ATOH8: variants seen among roughly 807,000 people sequenced by gnomAD.
ATOH8 encodes transcription factor ATOH8.
A neutral mutation model predicts 21.2 loss-of-function variants in ATOH8; 9 were observed. That is an observed-to-expected ratio of 0.42 (90% CI 0.26 to 0.74). The LOEUF is 0.74. ATOH8 is among the 30% of genes least tolerant of loss of function. The pLI is 0.24. For synonymous variants in ATOH8, 253 were observed against 224.0 expected, an observed-to-expected ratio of 1.13 and a Z score of -1.16; for missense variants, 524 against 470.9, an observed-to-expected ratio of 1.11 and a Z score of -1.04.
At chr2:85,782,395 C>T (rs996080907) in intron 2 of ATOH8, among the ~76,000 whole-genome samples, 1 of 151,814 alleles carries the variant, frequency 6.6e-6, no homozygotes, top group Non-Finnish European at 1.5e-5. Flanking sequence ...TTTTAAATGC[C>T]CCAAAGTGGT....
chr2:85,784,523 CAG>C (rs1233586317), intron 2 of ATOH8, among the ~76,000 whole-genome samples: 1 of 151,934 alleles, frequency 6.6e-6, no homozygotes, highest in African/African-American at 2.4e-5. Context: ...GCCTAAATAA[CAG>C]AGTGAGACCC....
Position 85,754,708 on chromosome 2 carries a change from G to A in ATOH8, c.519G>A (p.Ala173=), listed in dbSNP as rs199941707. 1.2e-6 allele frequency: 2 copies of A among 1,609,092 alleles called. No homozygotes were observed. Among genetic ancestry groups the A allele is most frequent in the East Asian group, 2.2e-5 (1 of 44,730 alleles). Residue 173 remains alanine, a synonymous_variant, in exon 1 of 3, where the codon GCG becomes GCA. Transcript: ENST00000306279. ...PAPSAPPAPP[A]PPESTVRPAP... ...CGTCAGCACCCCCAGCACCGCCAGC[G>A]CCCCCGGAGTCCACTGTGCGCCCTG...
intron 2 of ATOH8, among the ~76,000 whole-genome samples, chr2:85,781,446 A>G (rs1471707109): frequency 6.6e-6 from 1 of 152,174 alleles, no homozygotes; most frequent in African/African-American, 2.4e-5. Flanking sequence ...ATACGCTTGT[A>G]ATCCTAGCTA....
intron 2 of ATOH8, among the ~76,000 whole-genome samples, chr2:85,779,722 G>A (rs1680432092): frequency 6.6e-6 from 1 of 152,216 alleles, no homozygotes; most frequent in Non-Finnish European, 1.5e-5. Flanking sequence ...GGGCAAGTGA[G>A]GTCACCACTC....
Position 85,754,560 on chromosome 2 carries a change from C to A in ATOH8, c.371C>A (p.Pro124Gln), listed in dbSNP as rs967846934. The change falls in exon 1 of 3, where the codon CCG becomes CAG. Residue 124 changes from proline to glutamine, a missense_variant. Transcript: ENST00000306279. ...LGAVGPGLPT[P>Q]PPPPPPAPQS... ...GCAGTGGGGCCAGGACTCCCCACGC[C>A]GCCGCCGCCGCCGCCTCCTGCGCCC... 2.8e-6 allele frequency: 4 copies of A among 1,432,352 alleles called. No homozygotes were observed. The highest frequency in any genetic ancestry group is 3.6e-6 in the Non-Finnish European group (4 of 1,107,420). The allele number at this position is 1,432,352 out of a possible 1,614,324, so 88.7% of individuals were successfully genotyped here. A position where few individuals can be genotyped will look rare whatever the true frequency, so the allele number is the denominator to read the frequency against.
intron 2 of ATOH8, among the ~76,000 whole-genome samples, chr2:85,767,903 T>A (rs1174789479): frequency 2.0e-5 from 3 of 152,146 alleles, no homozygotes; most frequent in Non-Finnish European, 4.4e-5. Context: ...ACTAGAGCCT[T>A]CCATCCAGAC....
chr2:85,757,845 G>C lies in ATOH8; in HGVS notation c.768+2888G>C, dbSNP rs149556759. Among the ~76,000 whole-genome samples, 341 of 150,568 alleles carry C rather than the reference G, an allele frequency of 2.3e-3. 1 individual carries two copies. Among genetic ancestry groups the C allele is most frequent in the African/African-American group, 7.8e-3 (319 of 40,864 alleles). On this transcript the variant is annotated intron_variant, in intron 1 of 2. Coordinates refer to ENST00000306279, the MANE Select transcript of ATOH8 (RefSeq NM_032827.7). The stretch of plus-strand genomic sequence containing the variant: ...CTGTTGACCAGGCTGGAGTACAGTG[G>C]TGTGATCTCAGCTCACTGCAAACTC...
At chr2:85,781,080 G>A (rs1163804182) in intron 2 of ATOH8, 9 of 987,970 alleles carry the variant, frequency 9.1e-6, no homozygotes, top group African/African-American at 7.0e-5. Flanking sequence ...ACGCAAGGAT[G>A]TCCAGGCTTG....
chr2:85,754,711 C>T lies in ATOH8; in HGVS notation c.522C>T (p.Pro174=), dbSNP rs760869571. ...APSAPPAPPA[P]PESTVRPAPP... Reference sequence around the variant, plus strand: ...CAGCACCCCCAGCACCGCCAGCGCCCCCGGAGTCCACTGTGCGCCCTGCGC... The same window carrying T: ...CAGCACCCCCAGCACCGCCAGCGCCTCCGGAGTCCACTGTGCGCCCTGCGC... Residue 174 remains proline, a synonymous_variant, in exon 1 of 3, where the codon CCC becomes CCT. Transcript: ENST00000306279. The T allele has an allele frequency of 3.3e-5, 53 of 1,610,846 alleles. No individual in the cohort carries two copies. In the South Asian group the frequency reaches 4.0e-4, roughly 12 times the overall value.
In ATOH8 at chr2:85,764,128, T is replaced by C. The variant is rs1484098778; in HGVS notation, c.906T>C (p.Cys302=). 1.2e-6 allele frequency: 2 copies of C among 1,614,184 alleles called. No individual in the cohort carries two copies. Among genetic ancestry groups the C allele is most frequent in the Admixed American group, 1.7e-5 (1 of 60,026 alleles). ...ACAGCAACCTCAGCTTCTCCGAGTG[T>C]GTGCAGCGCTGCACCCGCACCCTGC... ...ADHSNLSFSE[C]VQRCTRTLQA... The change falls in exon 2 of 3, where the codon TGT becomes TGC. Residue 302 remains cysteine (C), a synonymous_variant. Transcript: ENST00000306279.
chr2:85,754,738 C>T lies in ATOH8; in HGVS notation c.549C>T (p.Pro183=), dbSNP rs529645303. The stretch of plus-strand genomic sequence containing the variant: ...CGGAGTCCACTGTGCGCCCTGCGCC[C>T]CCGACGCGCCCCGGGGAAAGTTCCT... The part of the protein sequence containing the change: ...APPESTVRPA[P]PTRPGESSYS... Residue 183 remains proline, a synonymous_variant, in exon 1 of 3, where the codon CCC becomes CCT. Transcript: ENST00000306279. 7.4e-6 allele frequency: 12 copies of T among 1,612,660 alleles called. No homozygotes were observed. The highest frequency in any genetic ancestry group is 5.5e-5 in the South Asian group (5 of 91,084).
Position 85,790,971 on chromosome 2 carries a change from C to T in ATOH8, c.*4081C>T, listed in dbSNP as rs542819305. ...GGAAACCCTTTGAGTGGATCTGTAC[C>T]GTTGTTCTCGTCTTGCTCTCTTGCT... On this transcript the variant is annotated 3_prime_UTR_variant, in exon 3 of 3. Coordinates refer to ENST00000306279, the MANE Select transcript of ATOH8 (RefSeq NM_032827.7). 2.6e-4 allele frequency among the ~76,000 whole-genome samples: 39 copies of T among 152,288 alleles called. No individual in the cohort carries two copies. The highest frequency in any genetic ancestry group is 9.1e-4 in the African/African-American group (38 of 41,546).
intron 1 of ATOH8, among the ~76,000 whole-genome samples, chr2:85,758,536 C>T (rs1034383060): frequency 6.6e-6 from 1 of 152,244 alleles, no homozygotes; most frequent in Non-Finnish European, 1.5e-5. Flanking sequence ...CTCTGCTCCT[C>T]AGCCTGTCTA....
rs1396751720 is a variant in ATOH8 at position 85,785,296 on chromosome 2, C to G, written c.961-1589C>G. Among the ~76,000 whole-genome samples the G allele has an allele frequency of 6.6e-6, 1 of 152,262 alleles. No individual in the cohort carries two copies. Among genetic ancestry groups the G allele is most frequent in the Non-Finnish European group, 1.5e-5 (1 of 68,052 alleles). On this transcript the variant is annotated intron_variant, in intron 2 of 2. Coordinates refer to ENST00000306279, the MANE Select transcript of ATOH8 (RefSeq NM_032827.7). This position sits in a 1 kb window ranked among gnomAD's most constrained non-coding sequence, Gnocchi z 4.1. ...ACCCAGTGCCATCCCCACGGGTTTC[C>G]TTTCCGCTTCTTAATCCTCCTCCTC...
intron 2 of ATOH8, among the ~76,000 whole-genome samples, chr2:85,776,030 C>T (rs923301720): frequency 1.3e-5 from 2 of 152,242 alleles, no homozygotes; most frequent in African/African-American, 2.4e-5. Flanking sequence ...CCAGCGACCT[C>T]GTTCCTGTGC....
chr2:85,777,522 G>A (rs1680359636), intron 2 of ATOH8, among the ~76,000 whole-genome samples: 1 of 152,216 alleles, frequency 6.6e-6, no homozygotes, highest in South Asian at 2.1e-4. Context: ...AGGGACCTTG[G>A]AATTGTGTGT....
In ATOH8 at chr2:85,766,182, G is replaced by A. The variant is rs1680010880; in HGVS notation, c.960+2000G>A. Among the ~76,000 whole-genome samples the A allele has an allele frequency of 1.3e-5, 2 of 152,060 alleles. No homozygotes were observed. The highest frequency in any genetic ancestry group is 3.9e-4 in the East Asian group (2 of 5,180). Reference sequence around the variant, plus strand: ...TGTCTGCATGGTCACCGTCCTCAGGGTAATGATAATGAGCCCCTAAAATGC... The same window carrying A: ...TGTCTGCATGGTCACCGTCCTCAGGATAATGATAATGAGCCCCTAAAATGC... On this transcript the variant is annotated intron_variant, in intron 2 of 2. Transcript: ENST00000306279. This position sits in a 1 kb window ranked among gnomAD's most constrained non-coding sequence, Gnocchi z 4.0.
In ATOH8 at chr2:85,764,111, C is replaced by G; in HGVS notation, c.889C>G (p.Leu297Val). ...DLDYSADHSN[L>V]SFSECVQRCT... is the part of the protein sequence containing the mutation. ...TGACTACAGTGCCGACCACAGCAAC[C>G]TCAGCTTCTCCGAGTGTGTGCAGCG... is the stretch of plus-strand genomic sequence containing the variant. The change falls in exon 2 of 3, where the codon CTC becomes GTC. Residue 297 changes from leucine to valine, a missense_variant. Physicochemically the swap from Leu to Val is conservative, Grantham distance 32. Coordinates refer to ENST00000306279, the MANE Select transcript of ATOH8 (RefSeq NM_032827.7). The G allele has an allele frequency of 6.2e-7, 1 of 1,614,204 alleles. No individual in the cohort carries two copies. Among genetic ancestry groups the G allele is most frequent in the Admixed American group, 1.7e-5 (1 of 60,032 alleles).
intron 2 of ATOH8, among the ~76,000 whole-genome samples, chr2:85,775,616 C>T (rs559834103): frequency 6.6e-6 from 1 of 152,288 alleles, no homozygotes; most frequent in East Asian, 1.9e-4. Flanking sequence ...TGCCACAGCA[C>T]CGAGCTTTTC....
Sources: gnomAD v4.1 joint callset for allele counts (sites outside exome capture counted in the v4.1 genomes callset) on GRCh38, gnomAD v4.1.1 for gene constraint, Gnocchi (gnomAD v3.1) non-coding constraint, MANE v1.5 for transcripts, NCBI Gene and HGNC (gene_info 2026-07-23, HGNC 2026-07-21) for gene names.